Variants in MAP3K13 observed in about 807,000 individuals in gnomAD.
MAP3K13 encodes leucine zipper-bearing kinase.
In MAP3K13, 52 loss-of-function variants were observed where a neutral mutation model predicts 104.0. The ratio of observed to expected loss-of-function variants is 0.50; its 90% CI spans 0.40 to 0.63. The LOEUF (loss-of-function observed/expected upper bound fraction) is 0.63, where lower values mean the gene tolerates loss of function less well. Ranked by LOEUF, MAP3K13 falls within the 20% of genes least tolerant of loss-of-function variation. The probability of loss-of-function intolerance (pLI) is 0.00; values close to 1 mark genes in which losing one functional copy is unlikely to be tolerated. For missense variants in MAP3K13, 914 were observed against 1,218.5 expected (o/e 0.75, Z 3.72); for synonymous variants, 394 against 442.2 (o/e 0.89, Z 1.37).
chr3:185,462,553 A>G (rs1245750318), intron 7 of MAP3K13, among the ~76,000 whole-genome samples: 1 of 152,200 alleles, frequency 6.6e-6, no homozygotes, highest in African/African-American at 2.4e-5. Context: ...TGGGTGGATC[A>G]TTTGAGGTCA....
Position 185,458,367 on chromosome 3 carries a change from CAAA to C in MAP3K13, c.1279-5167_1279-5165del, listed in dbSNP as rs60147107. ...TGGGCAATAGAGCGAGACCCCATCT[CAAA>C]AAAAAAAAAAAAAAAGATGTCATTA... On this transcript the variant is annotated intron_variant, in intron 7 of 13. Transcript: ENST00000265026. Among the ~76,000 whole-genome samples, 471 of 112,134 alleles carry C rather than the reference CAAA, an allele frequency of 4.2e-3. 7 individuals are homozygous for C. The highest frequency in any genetic ancestry group is 0.013 in the African/African-American group (410 of 31,030). The allele number at this position is 112,134 out of a possible 152,430, so 73.6% of individuals were successfully genotyped here. A position where few individuals can be genotyped will look rare whatever the true frequency, so the allele number is the denominator to read the frequency against.
At position 185,463,623 on chromosome 3, in the gene MAP3K13, A is replaced by G. The variant is rs1363438282; in HGVS notation, c.1352A>G (p.Asp451Gly). ...GAAGGAACTTGTATACACCGGTTAG[A>G]TGAAGAACTGATTCGAAGGCGCAGA... Reference protein sequence around the residue: ...KSEGTCIHRLDEELIRRRREE... With the variant: ...KSEGTCIHRLGEELIRRRREE... The change falls in exon 8 of 14, where the codon GAT (aspartate) becomes GGT (glycine). Residue 451 changes from aspartate (D) to glycine (G), a missense_variant. By Grantham distance (94) the Asp-to-Gly change is moderately conservative (BLOSUM62 -1). This residue lies in a region of MAP3K13 where 583 missense variants were observed against 737.4 expected (regional missense o/e 0.79). Transcript: ENST00000265026. 1.2e-6 allele frequency: 2 copies of G among 1,613,274 alleles called. No individual in the cohort carries two copies. Among genetic ancestry groups the G allele is most frequent in the Non-Finnish European group, 1.7e-6 (2 of 1,179,436 alleles).
chr3:185,395,754 G>C (rs180702164), intron 1 of MAP3K13, among the ~76,000 whole-genome samples: 1 of 151,368 alleles, frequency 6.6e-6, no homozygotes, highest in Non-Finnish European at 1.5e-5. Context: ...GTGCAGTCTC[G>C]GCTTTCTGCA....
intron 2 of MAP3K13, among the ~76,000 whole-genome samples, chr3:185,293,362 C>T (rs1476688277): frequency 6.6e-6 from 1 of 152,070 alleles, no homozygotes; most frequent in East Asian, 1.9e-4. Context: ...AGGTGATCTA[C>T]CTGCCTCAGC....
intron 7 of MAP3K13, among the ~76,000 whole-genome samples, chr3:185,451,886 A>C (rs1213086523): frequency 6.6e-6 from 1 of 151,938 alleles, no homozygotes; most frequent in African/African-American, 2.4e-5. Context: ...AAAAAAAGAA[A>C]AAAGAAAGAA....
At chr3:185,460,095 TGTTTATCC>T in intron 7 of MAP3K13, among the ~76,000 whole-genome samples, 1 of 152,216 alleles carries the variant, frequency 6.6e-6, no homozygotes, top group Non-Finnish European at 1.5e-5. Flanking sequence ...TACCACATTT[TGTTTATCC>T]GTTTATCTAT....
rs574523905 is a variant in MAP3K13 at position 185,429,287 on chromosome 3, C to T, written c.475+231C>T. Among the ~76,000 whole-genome samples the T allele has an allele frequency of 3.3e-5, 5 of 152,112 alleles. No homozygotes were observed. The South Asian group carries it at 1.0e-3, about 32-fold the overall frequency. Reference sequence around the variant, plus strand: ...TGTGGTCATCCAGTCTAGCGGTGTCCAAAGTACAGTACATATAAAACAATC... The same window carrying T: ...TGTGGTCATCCAGTCTAGCGGTGTCTAAAGTACAGTACATATAAAACAATC... On this transcript the variant is annotated intron_variant, in intron 2 of 13. Transcript: ENST00000265026.
Position 185,485,129 on chromosome 3 carries a change from G to C in MAP3K13, c.*2673G>C, listed in dbSNP as rs1029618050. Reference sequence around the variant, plus strand: ...GTTAAAAAGCTGTAAACTTTCTAAAGTTTCTTAGGAAATAAATTCATGGGA... The same window carrying C: ...GTTAAAAAGCTGTAAACTTTCTAAACTTTCTTAGGAAATAAATTCATGGGA... On this transcript the variant is annotated 3_prime_UTR_variant, in exon 14 of 14. Coordinates refer to ENST00000265026, the MANE Select transcript of MAP3K13 (RefSeq NM_004721.5). 6.6e-6 allele frequency: 1 copy of C among 152,150 alleles called. No individual in the cohort carries two copies. The highest frequency in any genetic ancestry group is 1.5e-5 in the Non-Finnish European group (1 of 68,022). 9.4% of individuals were successfully genotyped at this position (152,150 alleles called of 1,614,324 possible).
At chr3:185,429,125 A>G (rs1314957242) in intron 2 of MAP3K13, 69 bp downstream of exon 2, 5 of 1,436,372 alleles carry the variant, frequency 3.5e-6, no homozygotes, top group East Asian at 4.6e-5. Flanking sequence ...CGTCACCACC[A>G]TTAGCTGGAT....
At chr3:185,291,138 A>G (rs180964457) in intron 2 of MAP3K13, among the ~76,000 whole-genome samples, 1 of 152,304 alleles carries the variant, frequency 6.6e-6, no homozygotes, top group East Asian at 1.9e-4. Flanking sequence ...ATATTACAAT[A>G]TTTTTGAACC....
At chr3:185,283,179 T>C (rs553761515) in intron 1 of MAP3K13, 1 of 152,436 alleles carries the variant, frequency 6.6e-6, no homozygotes, top group Admixed American at 6.5e-5. Flanking sequence ...CATTAGACTC[T>C]CTGAGGGGTT....
intron 12 of MAP3K13, among the ~76,000 whole-genome samples, chr3:185,477,601 A>T (rs963793638): frequency 6.6e-6 from 1 of 152,202 alleles, no homozygotes. Context: ...CATTCATTTT[A>T]CAGCAACTTC....
intron 1 of MAP3K13, among the ~76,000 whole-genome samples, chr3:185,379,977 G>T (rs1157548979): frequency 1.3e-5 from 2 of 152,046 alleles, no homozygotes; most frequent in Non-Finnish European, 2.9e-5. Flanking sequence ...CCTGAGGTCA[G>T]GTGTTCAATA....
Position 185,324,812 on chromosome 3 carries a change from A to G in MAP3K13, c.-86+39169A>G, listed in dbSNP as rs913936575. On this transcript the variant is annotated intron_variant, in intron 2 of 14. Transcript: ENST00000424227. ...ATCACTAAGAACCGGCACAATTAAA[A>G]AAAAAAAAACTGCTCAAACAAACTA... Among the ~76,000 whole-genome samples, 71 of 152,260 alleles carry G rather than the reference A, an allele frequency of 4.7e-4. 1 individual carries two copies. Among genetic ancestry groups the G allele is most frequent in the African/African-American group, 1.7e-3 (71 of 41,542 alleles).
At chr3:185,286,380 G>T (rs1288624978) in intron 2 of MAP3K13, among the ~76,000 whole-genome samples, 1 of 151,692 alleles carries the variant, frequency 6.6e-6, no homozygotes, top group African/African-American at 2.4e-5. Context: ...TTCTTGTTTA[G>T]AATTTGTTTA....
intron 2 of MAP3K13, among the ~76,000 whole-genome samples, chr3:185,314,968 G>A (rs1298823871): frequency 6.6e-6 from 1 of 151,900 alleles, no homozygotes; most frequent in Non-Finnish European, 1.5e-5. Flanking sequence ...ACTGATACAT[G>A]TTGGCCAGGT....
At chr3:185,309,795 G>A (rs1721433549) in intron 2 of MAP3K13, among the ~76,000 whole-genome samples, 3 of 152,180 alleles carry the variant, frequency 2.0e-5, no homozygotes, top group East Asian at 1.9e-4. Context: ...TGTATTTAGT[G>A]TGATCCGTGG....
At position 185,482,976 on chromosome 3, in the gene MAP3K13, A is replaced by C; in HGVS notation, c.*520A>C. 1 of 232,330 alleles carries C rather than the reference A, an allele frequency of 4.3e-6. No individual in the cohort carries two copies. The highest frequency in any genetic ancestry group is 6.1e-5 in the East Asian group (1 of 16,394). 14.4% of individuals were successfully genotyped at this position (232,330 alleles called of 1,614,324 possible). On this transcript the variant is annotated 3_prime_UTR_variant, in exon 14 of 14. Transcript: ENST00000265026. This position sits in a 1 kb window ranked among gnomAD's most constrained non-coding sequence, Gnocchi z 4.5. Reference sequence around the variant, plus strand: ...AAAGAAGAGCCAGAGCAAGACATTGAACATTTTAGAACACAAAGAACAGCA... The same window carrying C: ...AAAGAAGAGCCAGAGCAAGACATTGCACATTTTAGAACACAAAGAACAGCA...
upstream of MAP3K13, among the ~76,000 whole-genome samples, chr3:185,359,556 C>A (rs930410657): frequency 5.3e-5 from 8 of 152,158 alleles, no homozygotes; most frequent in African/African-American, 1.7e-4. Context: ...CTACCAGTAT[C>A]ATTTACTGAG....
Sources: gnomAD v4.1 joint callset for allele counts (sites outside exome capture counted in the v4.1 genomes callset) on GRCh38, gnomAD v4.1.1 for gene constraint, gnomAD v4.1.1 regional missense constraint, Gnocchi (gnomAD v3.1) non-coding constraint, MANE v1.5 for transcripts, NCBI Gene and HGNC (gene_info 2026-07-23, HGNC 2026-07-21) for gene names.